The following KPNA3 variants were observed in gnomAD, a reference collection of about 807,000 sequenced individuals.
KPNA3 encodes importin subunit alpha-4.
A neutral mutation model predicts 73.8 loss-of-function variants in KPNA3; 13 were observed. The ratio of observed to expected loss-of-function variants is 0.18; its 90% CI spans 0.11 to 0.28. KPNA3 has a LOEUF of 0.28. KPNA3 is among the 10% of genes least tolerant of loss of function. The pLI is 1.00. For missense variants in KPNA3, 360 were observed against 618.1 expected, an observed-to-expected ratio of 0.58 and a Z score of 4.43; for synonymous variants, 186 against 206.9, an observed-to-expected ratio of 0.90 and a Z score of 0.87.
intron 2 of KPNA3, among the ~76,000 whole-genome samples, chr13:49,735,392 G>A (rs1954512981): frequency 6.6e-6 from 1 of 152,056 alleles, no homozygotes. Context: ...AAAGTGGTAG[G>A]GTTACAGTCG....
chr13:49,708,799 C>A (rs1481037779), intron 12 of KPNA3, among the ~76,000 whole-genome samples: 1 of 152,104 alleles, frequency 6.6e-6, no homozygotes. Context: ...CTAGTAAGTA[C>A]ATATTACACA....
intron 7 of KPNA3, among the ~76,000 whole-genome samples, chr13:49,722,919 T>C (rs1458116130): frequency 1.3e-5 from 2 of 150,956 alleles, no homozygotes; most frequent in African/African-American, 4.9e-5. Flanking sequence ...CAATTCCTGA[T>C]ACGGGGATTA....
At chr13:49,777,665 T>C (rs1287492342) in intron 1 of KPNA3, among the ~76,000 whole-genome samples, 1 of 118,824 alleles carries the variant, frequency 8.4e-6, no homozygotes, top group Non-Finnish European at 2.0e-5. Context: ...TGCACCCAGA[T>C]GATTTTTTTT....
intron 1 of KPNA3, among the ~76,000 whole-genome samples, chr13:49,753,511 C>G (rs1215302215): frequency 6.6e-6 from 1 of 152,204 alleles, no homozygotes; most frequent in Non-Finnish European, 1.5e-5. Context: ...ACTGGAGAGA[C>G]ACTGATAAAA....
rs758045675 is a variant in KPNA3 at position 49,732,593 on chromosome 13, A to T, written c.287+12T>A. The T allele has an allele frequency of 6.3e-7, 1 of 1,598,214 alleles. No individual in the cohort carries two copies. Among genetic ancestry groups the T allele is most frequent in the East Asian group, 2.2e-5 (1 of 44,700 alleles). ...ATGACATAATTCTCTCTCTAGACAAATTAGTATTTACCTTGCTGCCTGGAC... is the reference window on the plus strand; with the variant it reads ...ATGACATAATTCTCTCTCTAGACAATTTAGTATTTACCTTGCTGCCTGGAC... On this transcript the variant is annotated intron_variant, in intron 5 of 16. Transcript: ENST00000261667.
chr13:49,742,302 T>C (rs1954581212), intron 2 of KPNA3, among the ~76,000 whole-genome samples: 1 of 152,218 alleles, frequency 6.6e-6, no homozygotes, highest in South Asian at 2.1e-4. Context: ...TCTTTTTTTC[T>C]GTATAACATT....
Position 49,706,940 on chromosome 13 carries a change from G to A in KPNA3, c.1033-568C>T, listed in dbSNP as rs1038745046. Among the ~76,000 whole-genome samples, 7 of 151,930 alleles carry A rather than the reference G, an allele frequency of 4.6e-5. No homozygotes were observed. The East Asian group carries it at 5.8e-4, about 13-fold the overall frequency. ...ATTTTCTTCTATTTTTAGTAGAGAC[G>A]GGGTTTCACCGTGTTAGCCAGGATG... On this transcript the variant is annotated intron_variant, in intron 12 of 16. Transcript: ENST00000261667.
intron 10 of KPNA3, among the ~76,000 whole-genome samples, chr13:49,715,259 T>C (rs1954294535): frequency 6.6e-6 from 1 of 152,126 alleles, no homozygotes; most frequent in African/African-American, 2.4e-5. Flanking sequence ...GGAAGTATTT[T>C]AAGTATGGCA....
intron 1 of KPNA3, among the ~76,000 whole-genome samples, chr13:49,768,731 A>G (rs764336096): frequency 3.9e-5 from 6 of 152,180 alleles, no homozygotes; most frequent in Non-Finnish European, 5.9e-5. Flanking sequence ...CTAAATGTCA[A>G]GAACCCAACT....
At chr13:49,745,992 G>A (rs1954613260) in intron 2 of KPNA3, among the ~76,000 whole-genome samples, 2 of 148,974 alleles carry the variant, frequency 1.3e-5, no homozygotes, top group South Asian at 4.3e-4. Flanking sequence ...GAACCCGGGA[G>A]GCGGAGGTTG....
At chr13:49,743,016 G>A (rs913540412) in intron 2 of KPNA3, among the ~76,000 whole-genome samples, 1 of 151,982 alleles carries the variant, frequency 6.6e-6, no homozygotes, top group Non-Finnish European at 1.5e-5. Context: ...GGCTAAGAAA[G>A]AGACTTAGGA....
chr13:49,761,033 C>A (rs962786491), intron 1 of KPNA3, among the ~76,000 whole-genome samples: 21 of 152,074 alleles, frequency 1.4e-4, no homozygotes, highest in African/African-American at 4.8e-4. Flanking sequence ...AAATAACATA[C>A]ATATTCTTAA....
chr13:49,706,035 C>T, intron 14 of KPNA3, 63 bp downstream of exon 14: 1 of 1,420,380 alleles, frequency 7.0e-7, no homozygotes, highest in Non-Finnish European at 9.8e-7. Context: ...AACTACGAAA[C>T]ATAAGAGAGC....
At chr13:49,752,280 TA>T (rs924102020) in intron 1 of KPNA3, among the ~76,000 whole-genome samples, 18 of 148,834 alleles carry the variant, frequency 1.2e-4, no homozygotes, top group East Asian at 3.9e-4. Flanking sequence ...GCCACCCCCT[TA>T]AAAAAAAAAT....
intron 1 of KPNA3, among the ~76,000 whole-genome samples, chr13:49,754,506 C>T (rs536323383): frequency 2.0e-5 from 3 of 151,472 alleles, no homozygotes; most frequent in East Asian, 1.9e-4. Flanking sequence ...CTCCCAGCTT[C>T]GACACCCTAC....
chr13:49,704,008 A>T (rs1461777167), intron 15 of KPNA3, among the ~76,000 whole-genome samples: 2 of 45,182 alleles, frequency 4.4e-5, no homozygotes, highest in African/African-American at 1.2e-4. Flanking sequence ...TATGAACCTG[A>T]CTACAATTTT....
At chr13:49,703,029 C>T (rs1046356296) in intron 15 of KPNA3, among the ~76,000 whole-genome samples, 4 of 151,884 alleles carry the variant, frequency 2.6e-5, no homozygotes, top group Non-Finnish European at 4.4e-5. Context: ...CCACCACACC[C>T]GGCTAAGTTT....
At chr13:49,757,299 A>G (rs1954720059) in intron 1 of KPNA3, among the ~76,000 whole-genome samples, 1 of 152,094 alleles carries the variant, frequency 6.6e-6, no homozygotes, top group African/African-American at 2.4e-5. Flanking sequence ...CCAAGAAAGG[A>G]CTAGTATCTA....
At chr13:49,729,997 T>G (rs1954446838) in intron 6 of KPNA3, among the ~76,000 whole-genome samples, 1 of 152,288 alleles carries the variant, frequency 6.6e-6, no homozygotes, top group East Asian at 1.9e-4. Flanking sequence ...CCTTTTACAT[T>G]ATAACACAAC....
Sources: gnomAD v4.1 joint callset for allele counts (sites outside exome capture counted in the v4.1 genomes callset) on GRCh38, gnomAD v4.1.1 for gene constraint, MANE v1.5 for transcripts, NCBI Gene and HGNC (gene_info 2026-07-23, HGNC 2026-07-21) for gene names.